The following DNAJC6 variants were observed in gnomAD, a reference collection of about 807,000 sequenced individuals.
DNAJC6 encodes the protein DnaJ heat shock protein family (Hsp40) member C6.
DNAJC6 carries 34 observed loss-of-function variants against 110.0 expected under a neutral mutation model. That is an observed-to-expected ratio of 0.31 (90% CI 0.24 to 0.41). DNAJC6 has a LOEUF of 0.41. DNAJC6 is among the 10% of genes least tolerant of loss of function. The pLI is 1.00. For synonymous variants in DNAJC6, 406 were observed against 437.2 expected (o/e 0.93, Z 0.89); for missense variants, 1,031 against 1,207.8 (o/e 0.85, Z 2.17).
intron 1 of DNAJC6, among the ~76,000 whole-genome samples, chr1:65,323,560 G>T (rs889458155): frequency 6.6e-6 from 1 of 152,024 alleles, no homozygotes; most frequent in Non-Finnish European, 1.5e-5. Flanking sequence ...TCCTTATAGC[G>T]ATGTGAAACT....
At chr1:65,302,645 C>T (rs944526748) in intron 1 of DNAJC6, among the ~76,000 whole-genome samples, 7 of 149,408 alleles carry the variant, frequency 4.7e-5, no homozygotes, top group African/African-American at 1.2e-4. Context: ...ACGCCATTCT[C>T]CTGCCTCAGC....
At position 65,389,547 on chromosome 1, in the gene DNAJC6, G is replaced by A; in HGVS notation, c.1388G>A (p.Gly463Glu). The A allele has an allele frequency of 1.9e-6, 3 of 1,614,088 alleles. No individual in the cohort carries two copies. The highest frequency in any genetic ancestry group is 2.5e-6 in the Non-Finnish European group (3 of 1,179,986). ...GCTACATGGTCTTTTTGTCTTGCAGGACAGGCTCCAATAGATATCCCTCCA... is the reference window on the plus strand; with the variant it reads ...GCTACATGGTCTTTTTGTCTTGCAGAACAGGCTCCAATAGATATCCCTCCA... The part of the protein sequence containing the change: ...QEHQDTLALG[G>E]QAPIDIPPDN... The change falls in exon 11 of 19, where the codon GGA becomes GAA. Residue 463 changes from glycine (G) to glutamate (E), a missense_variant and splice_region_variant. Physicochemically the swap from Gly to Glu is moderately conservative, Grantham distance 98. Coordinates refer to ENST00000371069, the MANE Select transcript of DNAJC6 (RefSeq NM_001256864.2).
At chr1:65,342,758 T>TC (rs1645400871) in intron 1 of DNAJC6, among the ~76,000 whole-genome samples, 1 of 152,210 alleles carries the variant, frequency 6.6e-6, no homozygotes, top group Non-Finnish European at 1.5e-5. Flanking sequence ...ATTGCTGTTA[T>TC]CATCTTGCTG....
At chr1:65,326,143 C>T (rs1190547905) in intron 1 of DNAJC6, among the ~76,000 whole-genome samples, 1 of 152,172 alleles carries the variant, frequency 6.6e-6, no homozygotes, top group Non-Finnish European at 1.5e-5. Context: ...GGACCACTCC[C>T]CTCTCTCCCC....
chr1:65,384,576 G>T (rs913219674), intron 6 of DNAJC6, among the ~76,000 whole-genome samples: 2 of 152,176 alleles, frequency 1.3e-5, no homozygotes, highest in African/African-American at 4.8e-5. Flanking sequence ...AGGAGCAAAG[G>T]CACATCTTAC....
At chr1:65,348,316 T>C (rs1036084268) in intron 1 of DNAJC6, among the ~76,000 whole-genome samples, 2 of 152,214 alleles carry the variant, frequency 1.3e-5, no homozygotes, top group Non-Finnish European at 2.9e-5. Context: ...ATTCTATAAA[T>C]GTCAATTAGG....
intron 15 of DNAJC6, 149 bp downstream of exon 15, chr1:65,402,029 T>C (rs1646034804): frequency 8.6e-7 from 1 of 1,160,312 alleles, no homozygotes; most frequent in Non-Finnish European, 1.2e-6. Context: ...AACCTGAGAT[T>C]GGCTTTTTAA....
intron 1 of DNAJC6, among the ~76,000 whole-genome samples, chr1:65,301,826 A>G (rs1644981370): frequency 6.6e-6 from 1 of 151,952 alleles, no homozygotes; most frequent in South Asian, 2.1e-4. Flanking sequence ...TCTAAACCCA[A>G]TAAGGCCTGT....
chr1:65,340,961 A>G (rs781339198), intron 1 of DNAJC6, among the ~76,000 whole-genome samples: 3 of 152,180 alleles, frequency 2.0e-5, no homozygotes, highest in African/African-American at 4.8e-5. Context: ...TCTGATGCGT[A>G]GCCTGGTACC....
intron 1 of DNAJC6, among the ~76,000 whole-genome samples, chr1:65,312,667 A>G (rs1645111893): frequency 6.6e-6 from 1 of 152,230 alleles, no homozygotes; most frequent in Admixed American, 6.5e-5. Context: ...ACTGTTTATA[A>G]TAGAACACTT....
At chr1:65,307,648 C>T (rs546166216), upstream of DNAJC6, among the ~76,000 whole-genome samples, 10 of 152,194 alleles carry the variant, frequency 6.6e-5, no homozygotes, top group South Asian at 4.1e-4. Context: ...TAGGTATTTA[C>T]TGTCCCTGTG....
chr1:65,392,301 G>T, intron 11 of DNAJC6, 130 bp from the exon 12 acceptor site: 1 of 808,490 alleles, frequency 1.2e-6, no homozygotes, highest in South Asian at 2.1e-5. Context: ...CCACTGATTA[G>T]GGTCTAAAAA....
At chr1:65,400,716 T>G (rs1646022870) in intron 14 of DNAJC6, among the ~76,000 whole-genome samples, 1 of 152,248 alleles carries the variant, frequency 6.6e-6, no homozygotes, top group African/African-American at 2.4e-5. Flanking sequence ...CATATTTTAT[T>G]TATCCATTCA....
intron 4 of DNAJC6, among the ~76,000 whole-genome samples, chr1:65,373,733 G>T (rs7541088): frequency 0.039 from 5,873 of 151,774 alleles, 234 homozygotes; most frequent in African/African-American, 0.099. Context: ...TCAGTGGGTT[G>T]TCTCTTCACT....
intron 13 of DNAJC6, among the ~76,000 whole-genome samples, chr1:65,397,759 A>AT: frequency 6.6e-6 from 1 of 152,222 alleles, no homozygotes; most frequent in Non-Finnish European, 1.5e-5. Flanking sequence ...TAAAAATAGA[A>AT]GGGATAAATA....
chr1:65,398,949 G>A lies in DNAJC6; in HGVS notation c.2107+68G>A, dbSNP rs963668320. 5.3e-6 allele frequency: 8 copies of A among 1,509,828 alleles called. No homozygotes were observed. In the African/African-American group the frequency reaches 9.6e-5, roughly 18 times the overall value. 93.5% of individuals were successfully genotyped at this position (1,509,828 alleles called of 1,614,324 possible). A position where few individuals can be genotyped will look rare whatever the true frequency, so the allele number is the denominator to read the frequency against. On this transcript the variant is annotated intron_variant, in intron 14 of 18. Coordinates refer to ENST00000371069, the MANE Select transcript of DNAJC6 (RefSeq NM_001256864.2). ...AAGCATAATCCTTACCCAAGATGAA[G>A]TGAGTACTCACAGAGTATTGTGGCC...
At chr1:65,397,331 T>A (rs1320417661) in intron 13 of DNAJC6, among the ~76,000 whole-genome samples, 1 of 151,654 alleles carries the variant, frequency 6.6e-6, no homozygotes, top group Non-Finnish European at 1.5e-5. Flanking sequence ...CTCATGAAAA[T>A]AAAAAAAATA....
At chr1:65,282,674 G>A (rs1653890989) in intron 1 of DNAJC6, among the ~76,000 whole-genome samples, 1 of 152,170 alleles carries the variant, frequency 6.6e-6, no homozygotes, top group Admixed American at 6.5e-5. Flanking sequence ...CACTATTGGT[G>A]CAAAATCCTT....
intron 1 of DNAJC6, among the ~76,000 whole-genome samples, chr1:65,339,470 A>G (rs1645368610): frequency 6.6e-6 from 1 of 152,214 alleles, no homozygotes; most frequent in East Asian, 1.9e-4. Flanking sequence ...TGGCGTGTAC[A>G]TTATAGGGCT....
Sources: gnomAD v4.1 joint callset for allele counts (sites outside exome capture counted in the v4.1 genomes callset) on GRCh38, gnomAD v4.1.1 for gene constraint, MANE v1.5 for transcripts, NCBI Gene and HGNC (gene_info 2026-07-23, HGNC 2026-07-21) for gene names.